C17orf67: variants seen among roughly 807,000 people sequenced by gnomAD.
The protein encoded by C17orf67 is uncharacterized protein C17orf67.
A neutral mutation model predicts 11.2 loss-of-function variants in C17orf67; 12 were observed. That is an observed-to-expected ratio of 1.07 (90% CI 0.68 to 1.73). The LOEUF is 1.73. C17orf67 is among the 40% of genes most tolerant of loss of function. The pLI is 0.00. For synonymous variants in C17orf67, 59 were observed against 46.9 expected, an observed-to-expected ratio of 1.26 and a Z score of -1.05; for missense variants, 115 against 113.5, an observed-to-expected ratio of 1.01 and a Z score of -0.06.
At chr17:56,809,408 G>A (rs1000501656) in intron 6 of C17orf67, among the ~76,000 whole-genome samples, 6 of 151,802 alleles carry the variant, frequency 4.0e-5, no homozygotes, top group East Asian at 1.9e-4. Context: ...ACCCAGGTCC[G>A]CAAGTCAAGG....
At chr17:56,822,333 C>CA (rs759438172) in intron 4 of C17orf67, among the ~76,000 whole-genome samples, 5 of 152,128 alleles carry the variant, frequency 3.3e-5, no homozygotes, top group Non-Finnish European at 7.4e-5. Context: ...ACTGTGTAGG[C>CA]AGTGTGGTAT....
In C17orf67 at chr17:56,819,760, C is replaced by T. The variant is rs566316903; in HGVS notation, c.-200-3750G>A. Reference sequence around the variant, plus strand: ...GTGAGAATTCTCTTCTAAACCCCATCCCGGTTCTCAGGAAAAGCCCCAGCG... The same window carrying T: ...GTGAGAATTCTCTTCTAAACCCCATTCCGGTTCTCAGGAAAAGCCCCAGCG... On this transcript the variant is annotated intron_variant, in intron 4 of 7. Coordinates refer to ENST00000397861, the MANE Select transcript of C17orf67 (RefSeq NM_001085430.4). Among the ~76,000 whole-genome samples, 13 of 152,298 alleles carry T rather than the reference C, an allele frequency of 8.5e-5. No individual in the cohort carries two copies. The South Asian group carries it at 2.7e-3, about 32-fold the overall frequency.
intron 6 of C17orf67, among the ~76,000 whole-genome samples, chr17:56,795,543 T>G (rs571684894): frequency 6.6e-6 from 1 of 152,344 alleles, no homozygotes; most frequent in African/African-American, 2.4e-5. Context: ...TATCTGATAT[T>G]ACAACACAGA....
chr17:56,792,630 T>TAGTG (rs146076353), intron 7 of C17orf67, among the ~76,000 whole-genome samples: 94,396 of 125,702 alleles, frequency 0.75, 36,569 homozygotes, highest in East Asian at 0.83. Context: ...ATAATGGTGA[T>TAGTG]GTGGTGGTGG....
intron 2 of C17orf67, among the ~76,000 whole-genome samples, chr17:56,830,533 T>C (rs1906171227): frequency 6.6e-6 from 1 of 151,984 alleles, no homozygotes; most frequent in African/African-American, 2.4e-5. Flanking sequence ...TAGGGAGAGA[T>C]TTCTAAGAAG....
intron 5 of C17orf67, 152 bp from the exon 6 acceptor site, chr17:56,815,121 A>T (rs1345269079): frequency 1.4e-6 from 1 of 693,328 alleles, no homozygotes; most frequent in Non-Finnish European, 2.6e-6. Context: ...GCAGCATTCC[A>T]GAGGGCTCAG....
At chr17:56,821,729 G>A (rs1905909477) in intron 4 of C17orf67, among the ~76,000 whole-genome samples, 1 of 152,166 alleles carries the variant, frequency 6.6e-6, no homozygotes, top group Non-Finnish European at 1.5e-5. Context: ...GGGCAGGTGT[G>A]GTAGGTTGAA....
intron 6 of C17orf67, among the ~76,000 whole-genome samples, chr17:56,806,053 C>A (rs1042800048): frequency 7.4e-6 from 1 of 135,322 alleles, no homozygotes; most frequent in Non-Finnish European, 1.5e-5. Flanking sequence ...TGGCTCACTG[C>A]AAGCTCCGCC....
At chr17:56,796,419 T>C (rs1029908076) in intron 6 of C17orf67, among the ~76,000 whole-genome samples, 1 of 152,236 alleles carries the variant, frequency 6.6e-6, no homozygotes, top group Non-Finnish European at 1.5e-5. Context: ...GAGAACATTA[T>C]GCTAAGTGAC....
chr17:56,820,609 T>C (rs573555271), intron 4 of C17orf67, among the ~76,000 whole-genome samples: 188 of 152,256 alleles, frequency 1.2e-3, no homozygotes, highest in Non-Finnish European at 2.2e-3. Flanking sequence ...CAATTTTTTT[T>C]CTCATCAACA....
In C17orf67 at chr17:56,833,359, G is replaced by C. The variant is rs535432486; in HGVS notation, c.-1001-17C>G. On this transcript the variant is annotated splice_polypyrimidine_tract_variant and intron_variant, in intron 1 of 7. Transcript: ENST00000397861. ...AACCTGGGGCTGGACGACAGCAGCAGGAGGCGTGCTCCCATCTCCGGTAGT... is the reference window on the plus strand; with the variant it reads ...AACCTGGGGCTGGACGACAGCAGCACGAGGCGTGCTCCCATCTCCGGTAGT... 13 of 153,962 alleles carry C rather than the reference G, an allele frequency of 8.4e-5. No homozygotes were observed. Among genetic ancestry groups the C allele is most frequent in the African/African-American group, 3.1e-4 (13 of 41,606 alleles). 9.5% of individuals were successfully genotyped at this position (153,962 alleles called of 1,614,324 possible). A position where few individuals can be genotyped will look rare whatever the true frequency, so the allele number is the denominator to read the frequency against.
intron 6 of C17orf67, among the ~76,000 whole-genome samples, chr17:56,810,349 AC>A (rs1418309003): frequency 7.9e-6 from 1 of 126,756 alleles, no homozygotes; most frequent in African/African-American, 3.1e-5. Flanking sequence ...ACACACCCTC[AC>A]ACACACACCC....
At chr17:56,814,741 T>C in intron 6 of C17orf67, 128 bp downstream of exon 6, 1 of 855,958 alleles carries the variant, frequency 1.2e-6, no homozygotes. Context: ...AGATTGCAGC[T>C]ATCTTCTACC....
intron 6 of C17orf67, among the ~76,000 whole-genome samples, chr17:56,797,384 G>A (rs1388585657): frequency 6.6e-6 from 1 of 152,096 alleles, no homozygotes; most frequent in African/African-American, 2.4e-5. Context: ...TGCAAGGCAA[G>A]GAGGGAACAG....
chr17:56,799,350 G>A (rs928318697), intron 6 of C17orf67, among the ~76,000 whole-genome samples: 3 of 152,144 alleles, frequency 2.0e-5, no homozygotes, highest in Non-Finnish European at 4.4e-5. Flanking sequence ...TTTTCAGATT[G>A]GTTTCTTTTC....
At chr17:56,809,738 TAC>T (rs1277704320) in intron 6 of C17orf67, among the ~76,000 whole-genome samples, 4 of 105,160 alleles carry the variant, frequency 3.8e-5, no homozygotes, top group African/African-American at 1.1e-4. Context: ...CACACCCCTC[TAC>T]ACACATACAC....
At chr17:56,804,210 T>C (rs1023298294) in intron 6 of C17orf67, 2 of 152,318 alleles carry the variant, frequency 1.3e-5, no homozygotes, top group Admixed American at 1.3e-4. Flanking sequence ...AGTCCTTTAT[T>C]ATGGCTCTGG....
intron 6 of C17orf67, among the ~76,000 whole-genome samples, chr17:56,809,436 G>A (rs530981509): frequency 6.6e-6 from 1 of 152,008 alleles, no homozygotes; most frequent in Non-Finnish European, 1.5e-5. Context: ...AGAAGAGGGG[G>A]CTGGAACTCA....
At chr17:56,825,942 TGA>T (rs1567800899) in intron 2 of C17orf67, among the ~76,000 whole-genome samples, 6 of 51,882 alleles carry the variant, frequency 1.2e-4, no homozygotes, top group Non-Finnish European at 2.3e-4. Flanking sequence ...GGGAAACCTG[TGA>T]GTGTGTGTGT....
Sources: allele counts gnomAD v4.1 joint callset (sites outside exome capture counted in the v4.1 genomes callset), GRCh38; gene constraint gnomAD v4.1.1; transcripts MANE v1.5; gene names NCBI Gene and HGNC (gene_info 2026-07-23, HGNC 2026-07-21).